Variants in GEMIN7 observed in about 807,000 individuals in gnomAD.
GEMIN7 encodes the protein gem nuclear organelle associated protein 7.
GEMIN7 carries 7 observed loss-of-function variants against 7.8 expected under a neutral mutation model. The ratio of observed to expected loss-of-function variants is 0.90; its 90% CI spans 0.51 to 1.69. The LOEUF is 1.69. Among genes scored for constraint, GEMIN7 ranks in the 40% most tolerant of loss-of-function variants. GEMIN7 has a pLI of 0.00. For synonymous variants in GEMIN7, 68 were observed against 72.4 expected (o/e 0.94, Z 0.31); for missense variants, 159 against 176.2 (o/e 0.90, Z 0.55).
At position 45,090,194 on chromosome 19, in the gene GEMIN7, CT is replaced by C. The variant is rs757883528; in HGVS notation, c.81del (p.Asp28MetfsTer7). ...GPDGFSRGFA[P>X]DGRRAPLRPE... ...GATGGCTTCAGCCGTGGCTTTGCCC[CT>C]GATGGACGCAGAGCCCCCTTGAGGC... is the stretch of plus-strand genomic sequence containing the variant. On this transcript the variant is annotated frameshift_variant, in exon 3 of 3. Coordinates refer to ENST00000270257, the MANE Select transcript of GEMIN7 (RefSeq NM_024707.3). LOFTEE classifies it high-confidence loss of function. The C allele has an allele frequency of 5.0e-6, 8 of 1,614,202 alleles. No homozygotes were observed. The highest frequency in any genetic ancestry group is 5.9e-6 in the Non-Finnish European group (7 of 1,180,050).
upstream of GEMIN7, chr19:45,076,163 C>T: frequency 6.5e-7 from 1 of 1,533,190 alleles, no homozygotes; most frequent in Non-Finnish European, 8.7e-7. This position sits in a 1 kb window ranked among gnomAD's most constrained non-coding sequence, Gnocchi z 4.9. Flanking sequence ...GGCATGGGGC[C>T]AGGGGAGTGG....
upstream of GEMIN7, among the ~76,000 whole-genome samples, chr19:45,078,995 G>A (rs553314049): frequency 7.2e-5 from 11 of 152,194 alleles, no homozygotes; most frequent in South Asian, 2.1e-4. Flanking sequence ...ACCCAGCAGG[G>A]AGGAAGTCTT....
intron 2 of GEMIN7, among the ~76,000 whole-genome samples, chr19:45,088,169 C>T (rs1321027885): frequency 2.0e-5 from 3 of 151,938 alleles, no homozygotes; most frequent in Non-Finnish European, 4.4e-5. Context: ...TGGTCTCGAA[C>T]TCCTGACCTC....
chr19:45,075,952 G>A (rs1967338865), upstream of GEMIN7: 1 of 1,589,530 alleles, frequency 6.3e-7, no homozygotes, highest in Non-Finnish European at 8.6e-7. Context: ...AGGTCAGAAG[G>A]GGGCCTGAGG....
intron 2 of GEMIN7, among the ~76,000 whole-genome samples, chr19:45,086,843 T>TG (rs1967705194): frequency 7.2e-6 from 1 of 138,632 alleles, no homozygotes; most frequent in Admixed American, 6.9e-5. Context: ...ATTCATTTTG[T>TG]TTTTTGTTTG....
intron 2 of GEMIN7, among the ~76,000 whole-genome samples, chr19:45,088,015 G>A (rs913634378): frequency 2.9e-5 from 4 of 139,534 alleles, no homozygotes; most frequent in Non-Finnish European, 6.0e-5. Flanking sequence ...GCACAATCTC[G>A]GCTCACTGCA....
chr19:45,090,301 CGGGAGCG>C lies in GEMIN7; in HGVS notation c.188_194del (p.Arg63LeufsTer14). On this transcript the variant is annotated frameshift_variant, in exon 3 of 3. Transcript: ENST00000270257. LOFTEE classifies it high-confidence loss of function. ...GGAGCAGCGGGCACGAGCCGCCCTT[CGGGAGCG>C]TTACCTCCGCAGCCTGCTGGCCATG... 1 of 1,614,178 alleles carries C rather than the reference CGGGAGCG, an allele frequency of 6.2e-7. No homozygotes were observed.
chr19:45,081,774 G>A lies in GEMIN7; in HGVS notation c.-9+1745G>A, dbSNP rs571914066. On this transcript the variant is annotated intron_variant, in intron 2 of 2. Coordinates refer to ENST00000270257, the MANE Select transcript of GEMIN7 (RefSeq NM_024707.3). ...CCCGAGTAGCTGGGATTACAGGCAC[G>A]CACCACCACACCCAGCTAACTTTTG... Among the ~76,000 whole-genome samples, 107 of 151,962 alleles carry A rather than the reference G, an allele frequency of 7.0e-4. 3 individuals are homozygous for A. The South Asian group carries it at 0.021, about 30-fold the overall frequency.
intron 2 of GEMIN7, among the ~76,000 whole-genome samples, chr19:45,088,253 A>AT (rs1431378004): frequency 5.3e-5 from 8 of 151,504 alleles, no homozygotes; most frequent in South Asian, 2.1e-4. Context: ...GCCTTATACA[A>AT]TTTTTTTCTC....
upstream of GEMIN7, chr19:45,076,233 C>G: frequency 6.6e-7 from 1 of 1,508,518 alleles, no homozygotes; most frequent in Non-Finnish European, 8.8e-7. The surrounding 1 kb of genome is among the most constrained non-coding windows in gnomAD (Gnocchi z 4.9). Context: ...AGGGCCCCAG[C>G]CTTGGGGCCT....
chr19:45,078,695 G>A (rs76316199), upstream of GEMIN7, among the ~76,000 whole-genome samples: 380 of 152,240 alleles, frequency 2.5e-3, no homozygotes, highest in Non-Finnish European at 4.5e-3. Context: ...GGATCCCTGC[G>A]TAAAGAGGAC....
Position 45,079,379 on chromosome 19 carries a change from T to C in GEMIN7, c.-9+100T>C, listed in dbSNP as rs1196743245. ...CAACGCCCTGAGTGACGGAAAGAGGTAGGACCGCGCCTGCAGCGCCGGCTG... is the reference window on the plus strand; with the variant it reads ...CAACGCCCTGAGTGACGGAAAGAGGCAGGACCGCGCCTGCAGCGCCGGCTG... On this transcript the variant is annotated intron_variant, in intron 1 of 1. Transcript: ENST00000591607. The C allele has an allele frequency of 1.3e-5, 2 of 152,168 alleles. No homozygotes were observed. The allele number at this position is 152,168 out of a possible 1,614,324, so 9.4% of individuals were successfully genotyped here.
chr19:45,075,985 A>G, upstream of GEMIN7: 3 of 1,573,482 alleles, frequency 1.9e-6, no homozygotes, highest in Non-Finnish European at 2.6e-6. Context: ...CGAAGGAGAT[A>G]AGGCAGGGCG....
chr19:45,077,869 T>C (rs1451800606), upstream of GEMIN7, among the ~76,000 whole-genome samples: 1 of 152,004 alleles, frequency 6.6e-6, no homozygotes, highest in African/African-American at 2.4e-5. Context: ...TCACCCTTTT[T>C]TTTTTTGTAA....
chr19:45,076,407 G>A (rs1380676916), upstream of GEMIN7: 2 of 1,232,102 alleles, frequency 1.6e-6, no homozygotes, highest in Non-Finnish European at 2.0e-6. The surrounding 1 kb of genome is among the most constrained non-coding windows in gnomAD (Gnocchi z 4.9). Flanking sequence ...CGGGCGGGCA[G>A]GCAGGCAGGC....
chr19:45,075,808 A>C, upstream of GEMIN7: 1 of 1,614,120 alleles, frequency 6.2e-7, no homozygotes, highest in Non-Finnish European at 8.5e-7. Context: ...GAAGGTCTGC[A>C]GGCAGCGGCC....
intron 2 of GEMIN7, among the ~76,000 whole-genome samples, chr19:45,086,109 C>T (rs1284859213): frequency 2.0e-5 from 3 of 151,584 alleles, no homozygotes; most frequent in Non-Finnish European, 4.4e-5. Context: ...CCTCGTGATC[C>T]GCCTGCCTTG....
At chr19:45,081,590 C>T (rs1184920399) in intron 2 of GEMIN7, among the ~76,000 whole-genome samples, 1 of 149,264 alleles carries the variant, frequency 6.7e-6, no homozygotes, top group Non-Finnish European at 1.5e-5. Flanking sequence ...ATCCCTTATC[C>T]TGTCCATCAC....
intron 2 of GEMIN7, among the ~76,000 whole-genome samples, chr19:45,086,229 C>T (rs924305215): frequency 6.6e-6 from 1 of 151,816 alleles, no homozygotes; most frequent in South Asian, 2.1e-4. Context: ...CACCACTGCA[C>T]TCCGGCCTGG....
Sources: gnomAD v4.1 joint callset for allele counts (sites outside exome capture counted in the v4.1 genomes callset) on GRCh38, gnomAD v4.1.1 for gene constraint, Gnocchi (gnomAD v3.1) non-coding constraint, MANE v1.5 for transcripts, NCBI Gene and HGNC (gene_info 2026-07-23, HGNC 2026-07-21) for gene names.